RBM47: variants seen among roughly 807,000 people sequenced by gnomAD.
RBM47 encodes RNA-binding protein 47.
Under a neutral mutation model 47.1 loss-of-function variants are expected in RBM47, and 21 were observed. That is an observed-to-expected ratio of 0.45 (90% CI 0.32 to 0.64). RBM47 has a LOEUF of 0.64. Ranked by LOEUF, RBM47 falls within the 30% of genes least tolerant of loss-of-function variation. RBM47 has a pLI of 0.05. For missense variants in RBM47, 708 were observed against 870.9 expected (o/e 0.81, Z 2.35); for synonymous variants, 375 against 361.7 (o/e 1.04, Z -0.42).
At chr4:40,527,686 C>T (rs1726885757) in intron 2 of RBM47, among the ~76,000 whole-genome samples, 1 of 138,782 alleles carries the variant, frequency 7.2e-6, no homozygotes, top group Non-Finnish European at 1.5e-5. Flanking sequence ...CCTCAGCCTC[C>T]CAGGACAAAT....
intron 2 of RBM47, chr4:40,475,894 A>G (rs1485924585): frequency 6.6e-6 from 1 of 152,240 alleles, no homozygotes; most frequent in Non-Finnish European, 1.5e-5. Context: ...AGTGGGTGGT[A>G]CAGAAAGAAG....
intron 1 of RBM47, among the ~76,000 whole-genome samples, chr4:40,573,615 T>C (rs112954444): frequency 9.2e-5 from 14 of 151,784 alleles, no homozygotes; most frequent in African/African-American, 3.4e-4. Flanking sequence ...TGGTAGCATG[T>C]GCCTGTAGTC....
chr4:40,527,055 G>A (rs1317255598), intron 2 of RBM47, among the ~76,000 whole-genome samples: 4 of 151,914 alleles, frequency 2.6e-5, no homozygotes, highest in South Asian at 2.1e-4. Context: ...AATTTAATCT[G>A]GAAATGCTAG....
chr4:40,478,557 G>T (rs1719963456), intron 2 of RBM47, among the ~76,000 whole-genome samples: 1 of 152,198 alleles, frequency 6.6e-6, no homozygotes, highest in Non-Finnish European at 1.5e-5. Flanking sequence ...AGGAGAGGAA[G>T]AAATGGAGCA....
At chr4:40,572,860 T>C (rs1180544781) in intron 1 of RBM47, among the ~76,000 whole-genome samples, 1 of 151,728 alleles carries the variant, frequency 6.6e-6, no homozygotes, top group Non-Finnish European at 1.5e-5. Context: ...ACCACAAAAT[T>C]GCAGAAGTGG....
chr4:40,451,184 CAAAAAAAA>C (rs958122281), intron 3 of RBM47, among the ~76,000 whole-genome samples: 4 of 51,474 alleles, frequency 7.8e-5, no homozygotes, highest in African/African-American at 1.2e-4. Flanking sequence ...CAGTAGCTAC[CAAAAAAAA>C]AAAAAAAAAA....
At chr4:40,569,421 T>G (rs1731457396) in intron 1 of RBM47, among the ~76,000 whole-genome samples, 1 of 151,358 alleles carries the variant, frequency 6.6e-6, no homozygotes, top group South Asian at 2.1e-4. Flanking sequence ...ATTTTTTTTT[T>G]TTTTTTGAGA....
intron 2 of RBM47, among the ~76,000 whole-genome samples, chr4:40,530,404 A>G (rs1727276517): frequency 1.3e-5 from 2 of 152,204 alleles, no homozygotes; most frequent in Middle Eastern, 3.4e-3. Context: ...CCTGGTTTCA[A>G]GCAATTCTCC....
chr4:40,623,889 C>G (rs1460959696), intron 1 of RBM47, among the ~76,000 whole-genome samples: 1 of 151,702 alleles, frequency 6.6e-6, no homozygotes, highest in Non-Finnish European at 1.5e-5. Flanking sequence ...GAGTCTTGCC[C>G]TGTCAAGGCT....
At chr4:40,578,544 C>T (rs10019022) in intron 1 of RBM47, among the ~76,000 whole-genome samples, 7,766 of 152,266 alleles carry the variant, frequency 0.051, 657 homozygotes, top group African/African-American at 0.18. Context: ...CCATTTTCTA[C>T]TTCCATTCAT....
chr4:40,508,163 C>G (rs1408782640), intron 2 of RBM47, among the ~76,000 whole-genome samples: 1 of 152,214 alleles, frequency 6.6e-6, no homozygotes, highest in South Asian at 2.1e-4. Context: ...TTTGCCAGGA[C>G]GGGACTGCCC....
intron 1 of RBM47, among the ~76,000 whole-genome samples, chr4:40,582,889 T>C (rs1053187424): frequency 4.6e-5 from 7 of 152,230 alleles, no homozygotes; most frequent in Admixed American, 3.9e-4. Flanking sequence ...CTGTACTCTC[T>C]TCCAACTCTA....
At chr4:40,569,804 G>A (rs758901590) in intron 1 of RBM47, among the ~76,000 whole-genome samples, 28 of 151,266 alleles carry the variant, frequency 1.9e-4, no homozygotes, top group African/African-American at 5.3e-4. Flanking sequence ...TCTGCCTCCC[G>A]GTTTCAAGCA....
chr4:40,457,392 C>T (rs1204499060), intron 3 of RBM47, among the ~76,000 whole-genome samples: 4 of 142,668 alleles, frequency 2.8e-5, no homozygotes, highest in African/African-American at 7.9e-5. Flanking sequence ...CACTGCACTC[C>T]AGCCTGGGTG....
At chr4:40,562,743 G>A (rs1730753178) in intron 1 of RBM47, among the ~76,000 whole-genome samples, 1 of 152,146 alleles carries the variant, frequency 6.6e-6, no homozygotes, top group African/African-American at 2.4e-5. Context: ...TAGGATTACA[G>A]GCGTGAGCCA....
chr4:40,530,160 T>C (rs1727249822), intron 2 of RBM47, among the ~76,000 whole-genome samples: 1 of 151,874 alleles, frequency 6.6e-6, no homozygotes, highest in African/African-American at 2.4e-5. Flanking sequence ...AGTCTGGAAC[T>C]CCCGACCTCA....
chr4:40,503,372 T>C (rs1723658023), intron 2 of RBM47, among the ~76,000 whole-genome samples: 1 of 152,060 alleles, frequency 6.6e-6, no homozygotes, highest in African/African-American at 2.4e-5. Flanking sequence ...GAGAGGTGAT[T>C]TGCAGGTTTG....
chr4:40,501,133 G>A (rs1477840048), intron 2 of RBM47, among the ~76,000 whole-genome samples: 2 of 152,112 alleles, frequency 1.3e-5, no homozygotes, highest in Non-Finnish European at 2.9e-5. Flanking sequence ...TAGAAGAGCA[G>A]CTGCTGGCTT....
chr4:40,541,047 G>A (rs1044497067), intron 2 of RBM47, among the ~76,000 whole-genome samples: 1 of 151,876 alleles, frequency 6.6e-6, no homozygotes, highest in Non-Finnish European at 1.5e-5. Context: ...CCAGCACTAC[G>A]GGAGGCTACG....
Sources: allele counts gnomAD v4.1 joint callset (sites outside exome capture counted in the v4.1 genomes callset), GRCh38; gene constraint gnomAD v4.1.1; transcripts MANE v1.5; gene names NCBI Gene and HGNC (gene_info 2026-07-23, HGNC 2026-07-21).